The following SH3YL1 variants were observed in gnomAD, a reference collection of about 807,000 sequenced individuals.
SH3YL1 encodes the protein SH3 and SYLF domain containing 1.
Under a neutral mutation model 45.8 loss-of-function variants are expected in SH3YL1, and 41 were observed. The ratio of observed to expected loss-of-function variants is 0.89; its 90% CI spans 0.70 to 1.16. SH3YL1 has a LOEUF of 1.16. SH3YL1 is among the 50% of genes most tolerant of loss of function. The probability of loss-of-function intolerance (pLI) is 0.00; values close to 1 mark genes in which losing one functional copy is unlikely to be tolerated. For synonymous variants in SH3YL1, 152 were observed against 151.4 expected (o/e 1.00, Z -0.03); for missense variants, 389 against 409.6 (o/e 0.95, Z 0.43).
chr2:249,415 A>T (rs1395771562), intron 3 of SH3YL1, among the ~76,000 whole-genome samples: 1 of 152,240 alleles, frequency 6.6e-6, no homozygotes, highest in Non-Finnish European at 1.5e-5. Flanking sequence ...AAGAATTCAT[A>T]TTAAACAAAA....
At chr2:257,085 G>GT (rs1553296906) in intron 1 of SH3YL1, among the ~76,000 whole-genome samples, 2 of 151,952 alleles carry the variant, frequency 1.3e-5, no homozygotes, top group South Asian at 2.1e-4. Context: ...TAACGGAGTT[G>GT]TTTTTTTGCT....
intron 8 of SH3YL1, among the ~76,000 whole-genome samples, chr2:228,893 C>T (rs568687273): frequency 3.3e-5 from 5 of 152,290 alleles, no homozygotes; most frequent in African/African-American, 7.2e-5. Context: ...GCCGAGGATG[C>T]GCTTCCCGCC....
chr2:252,889 G>C lies in SH3YL1; in HGVS notation c.112+116C>G, dbSNP rs1366085806. The stretch of plus-strand genomic sequence containing the variant: ...AAAGGTGGTGGAACAAAAGGTGGCT[G>C]AACTACTTGTTGGCATTGATGGAGG... On this transcript the variant is annotated intron_variant, in intron 2 of 9. Transcript: ENST00000356150. 7 of 635,546 alleles carry C rather than the reference G, an allele frequency of 1.1e-5. No homozygotes were observed. The East Asian group carries it at 1.9e-4, about 18-fold the overall frequency. 39.4% of individuals were successfully genotyped at this position (635,546 alleles called of 1,614,324 possible).
intron 4 of SH3YL1, among the ~76,000 whole-genome samples, chr2:246,782 CAGTG>C (rs1178044851): frequency 9.9e-5 from 15 of 151,954 alleles, no homozygotes; most frequent in Admixed American, 3.3e-4. Context: ...ATTTATACAG[CAGTG>C]AGTAAGAAAG....
chr2:255,464 G>A (rs1669275825), intron 1 of SH3YL1, among the ~76,000 whole-genome samples: 1 of 152,062 alleles, frequency 6.6e-6, no homozygotes, highest in African/African-American at 2.4e-5. Flanking sequence ...AGCCAGTCAT[G>A]GTCCTTGCTG....
At chr2:250,961 T>A (rs1466610480) in intron 2 of SH3YL1, among the ~76,000 whole-genome samples, 1 of 152,246 alleles carries the variant, frequency 6.6e-6, no homozygotes, top group Admixed American at 6.5e-5. Flanking sequence ...CTGTATTATA[T>A]GTTGTGCAGA....
intron 5 of SH3YL1, among the ~76,000 whole-genome samples, chr2:233,555 A>T (rs938695280): frequency 2.0e-5 from 3 of 152,244 alleles, no homozygotes; most frequent in Non-Finnish European, 4.4e-5. Flanking sequence ...TTCCTCTCTT[A>T]AAACTGGGAA....
intron 1 of SH3YL1, among the ~76,000 whole-genome samples, chr2:258,952 G>GT (rs1010171441): frequency 6.6e-6 from 1 of 152,188 alleles, no homozygotes; most frequent in African/African-American, 2.4e-5. Context: ...CTCATTGCTA[G>GT]TAACATGCTC....
chr2:262,752 T>C (rs1348646626), intron 1 of SH3YL1: 6 of 1,191,668 alleles, frequency 5.0e-6, no homozygotes, highest in Non-Finnish European at 5.5e-6. Flanking sequence ...TCCTTATTTC[T>C]GCGGAATGAG....
rs758518921 is a variant in SH3YL1, at chr2:234,283, G to C, written c.292-11C>G. ...CACCAAGTCTGATACCTAAAGTGTA[G>C]AAACCCATGGATTTAAAAATCGTTA... is the stretch of plus-strand genomic sequence containing the variant. On this transcript the variant is annotated splice_polypyrimidine_tract_variant and intron_variant, in intron 4 of 9. Transcript: ENST00000356150. 21 of 1,588,178 alleles carry C rather than the reference G, an allele frequency of 1.3e-5. No individual in the cohort carries two copies. Among genetic ancestry groups the C allele is most frequent in the South Asian group, 2.3e-5 (2 of 88,054 alleles).
chr2:262,003 T>G (rs1361958384), intron 1 of SH3YL1, among the ~76,000 whole-genome samples: 1 of 152,178 alleles, frequency 6.6e-6, no homozygotes, highest in African/African-American at 2.4e-5. Flanking sequence ...TAAAATTCCA[T>G]CTAAGATCAA....
At chr2:234,079 T>C (rs2103028759) in intron 5 of SH3YL1, 81 bp downstream of exon 5, 2 of 1,040,514 alleles carry the variant, frequency 1.9e-6, no homozygotes, top group Non-Finnish European at 2.9e-6. Context: ...CTGTTCATTT[T>C]AATTCAAGTT....
intron 1 of SH3YL1, chr2:262,474 G>A (rs749657497): frequency 2.9e-5 from 19 of 653,634 alleles, no homozygotes; most frequent in Non-Finnish European, 4.0e-5. Context: ...TTCTCCAACT[G>A]AAGAGTGTGA....
chr2:220,561 G>A (rs1170541697), intron 9 of SH3YL1, among the ~76,000 whole-genome samples: 1 of 152,212 alleles, frequency 6.6e-6, no homozygotes, highest in African/African-American at 2.4e-5. Context: ...CTAAGTACAC[G>A]ATTAAATTCT....
At chr2:262,503 C>A in intron 1 of SH3YL1, 1 of 1,052,914 alleles carries the variant, frequency 9.5e-7, no homozygotes, top group Non-Finnish European at 1.3e-6. Flanking sequence ...CAGAGCAGTT[C>A]CACACATGCC....
At chr2:261,277 T>G (rs997790537) in intron 1 of SH3YL1, 2 of 152,228 alleles carry the variant, frequency 1.3e-5, no homozygotes, top group Admixed American at 6.5e-5. Context: ...TGATGTCCCA[T>G]TCTATCATAC....
At chr2:251,103 CATGTCA>C (rs1669055161) in intron 2 of SH3YL1, among the ~76,000 whole-genome samples, 1 of 152,158 alleles carries the variant, frequency 6.6e-6, no homozygotes, top group Admixed American at 6.5e-5. Flanking sequence ...ACATATTCCA[CATGTCA>C]ATTATATTTT....
intron 8 of SH3YL1, among the ~76,000 whole-genome samples, chr2:228,852 G>T (rs1667907403): frequency 6.6e-6 from 1 of 152,124 alleles, no homozygotes; most frequent in South Asian, 2.1e-4. Context: ...CTCAAAACTG[G>T]GGAAAATGAT....
At chr2:246,570 C>T in intron 4 of SH3YL1, among the ~76,000 whole-genome samples, 1 of 149,482 alleles carries the variant, frequency 6.7e-6, no homozygotes, top group African/African-American at 2.5e-5. Flanking sequence ...ACAAGGAGGG[C>T]CAGGGGACTG....
Sources: allele counts gnomAD v4.1 joint callset (sites outside exome capture counted in the v4.1 genomes callset), GRCh38; gene constraint gnomAD v4.1.1; transcripts MANE v1.5; gene names NCBI Gene and HGNC (gene_info 2026-07-23, HGNC 2026-07-21).